The following TNR variants were observed in gnomAD, a reference collection of about 807,000 sequenced individuals.
TNR encodes tenascin-R.
A neutral mutation model predicts 150.4 loss-of-function variants in TNR; 45 were observed. The observed-to-expected ratio is 0.30, with a 90% confidence interval of 0.24 to 0.38. The LOEUF is 0.38. Ranked by LOEUF, TNR falls within the 10% of genes least tolerant of loss-of-function variation. The pLI is 1.00. For missense variants in TNR, 1,544 were observed against 1,759.1 expected (o/e 0.88, Z 2.19); for synonymous variants, 687 against 678.4 (o/e 1.01, Z -0.20).
Position 175,386,035 on chromosome 1 carries a change from T to C in TNR, c.1774A>G (p.Thr592Ala), listed in dbSNP as rs140481433. ...CTCTCCCCCACCGCAGCCTTACCTG[T>C]TGTGAACTGAGTGGTGGCAGAATCG... ...ESDSATTQFT[T>A]EIDAPKNLRV... The change falls in exon 8 of 23, where the codon ACA becomes GCA. Residue 592 changes from threonine to alanine, a missense_variant. Physicochemically the swap from Thr to Ala is moderately conservative, Grantham distance 58. Coordinates refer to ENST00000367674, the MANE Select transcript of TNR (RefSeq NM_003285.3). 1,187 of 1,587,174 alleles carry C rather than the reference T, an allele frequency of 7.5e-4. 3 individuals are homozygous for C. The highest frequency in any genetic ancestry group is 9.7e-4 in the Non-Finnish European group (1,124 of 1,163,562).
At chr1:175,688,340 G>A (rs1037931988) in intron 1 of TNR, among the ~76,000 whole-genome samples, 7 of 152,230 alleles carry the variant, frequency 4.6e-5, no homozygotes, top group African/African-American at 7.2e-5. Context: ...AGAAGAGGCC[G>A]GGAAGAAAGG....
In TNR at chr1:175,668,400, G is replaced by A. The variant is rs117761787; in HGVS notation, c.-165+74826C>T. Among the ~76,000 whole-genome samples, 584 of 152,218 alleles carry A rather than the reference G, an allele frequency of 3.8e-3. 13 individuals are homozygous for A. In the East Asian group the frequency reaches 0.054, roughly 14 times the overall value. The stretch of plus-strand genomic sequence containing the variant: ...CCCCAGGCTCTGTTTCCTGCCAACT[G>A]CTGTGTCCCTGCACCGCAACCCATG... On this transcript the variant is annotated intron_variant, in intron 1 of 22. Coordinates refer to ENST00000367674, the MANE Select transcript of TNR (RefSeq NM_003285.3).
At chr1:175,366,194 T>C in intron 10 of TNR, 56 bp from the exon 11 acceptor site, 1 of 1,519,268 alleles carries the variant, frequency 6.6e-7, no homozygotes, top group Admixed American at 2.0e-5. Flanking sequence ...GGGCAGTATT[T>C]ATTGGCCTGC....
chr1:175,359,199 G>A (rs903671601), intron 15 of TNR, among the ~76,000 whole-genome samples: 3 of 131,546 alleles, frequency 2.3e-5, no homozygotes, highest in African/African-American at 8.4e-5. Flanking sequence ...AGGCTGGAGT[G>A]CAATGGCGTG....
At chr1:175,383,423 G>A (rs1276280247) in intron 8 of TNR, among the ~76,000 whole-genome samples, 1 of 152,196 alleles carries the variant, frequency 6.6e-6, no homozygotes, top group Non-Finnish European at 1.5e-5. Context: ...CTCCAGAGGA[G>A]AGAAATGGTG....
chr1:175,545,460 T>C (rs1330388507), intron 1 of TNR, among the ~76,000 whole-genome samples: 1 of 152,162 alleles, frequency 6.6e-6, no homozygotes, highest in Non-Finnish European at 1.5e-5. Flanking sequence ...ATAAAACTAT[T>C]CAGTTTAGAA....
At chr1:175,374,954 C>T (rs1652306766) in intron 9 of TNR, among the ~76,000 whole-genome samples, 1 of 152,140 alleles carries the variant, frequency 6.6e-6, no homozygotes, top group African/African-American at 2.4e-5. Context: ...TAGGGCAAGC[C>T]CCCTCCCCTC....
At chr1:175,331,599 A>T (rs1221498155) in intron 20 of TNR, among the ~76,000 whole-genome samples, 1 of 152,020 alleles carries the variant, frequency 6.6e-6, no homozygotes, top group East Asian at 1.9e-4. Flanking sequence ...CCTGCTTGTC[A>T]TGATTAGCCA....
At chr1:175,549,417 C>T (rs550640869) in intron 1 of TNR, among the ~76,000 whole-genome samples, 8 of 152,164 alleles carry the variant, frequency 5.3e-5, no homozygotes, top group Non-Finnish European at 1.0e-4. Flanking sequence ...TTTCTGCTCC[C>T]TCCTAAAAAT....
chr1:175,618,214 A>G (rs1022295630), intron 1 of TNR, among the ~76,000 whole-genome samples: 5 of 152,250 alleles, frequency 3.3e-5, no homozygotes, highest in African/African-American at 1.2e-4. Context: ...TTTATTGCCC[A>G]CTAATCAGAA....
intron 18 of TNR, among the ~76,000 whole-genome samples, chr1:175,340,692 C>A (rs905990107): frequency 6.6e-6 from 1 of 152,188 alleles, no homozygotes; most frequent in African/African-American, 2.4e-5. Context: ...TGAAGACCAG[C>A]TAGATTTGAA....
chr1:175,680,787 T>C lies in TNR; in HGVS notation c.-165+62439A>G, dbSNP rs1222964034. On this transcript the variant is annotated intron_variant, in intron 1 of 22. Transcript: ENST00000367674. ...TCTGAGTGTAAGGACTGAGTACCAGTGTGTCTACAAACAGGGCAGCATTGC... is the reference window on the plus strand; with the variant it reads ...TCTGAGTGTAAGGACTGAGTACCAGCGTGTCTACAAACAGGGCAGCATTGC... 2.6e-5 allele frequency among the ~76,000 whole-genome samples: 4 copies of C among 152,146 alleles called. No homozygotes were observed. The East Asian group carries it at 7.7e-4, about 29-fold the overall frequency.
intron 1 of TNR, among the ~76,000 whole-genome samples, chr1:175,614,223 G>C (rs892677716): frequency 6.6e-6 from 1 of 152,226 alleles, no homozygotes; most frequent in Non-Finnish European, 1.5e-5. Context: ...GGTAGGAAGA[G>C]AGAGAGAGGT....
chr1:175,701,410 A>G (rs1571767909), intron 1 of TNR, among the ~76,000 whole-genome samples: 1 of 142,866 alleles, frequency 7.0e-6, no homozygotes, highest in Admixed American at 6.8e-5. Flanking sequence ...ACAAACAAAC[A>G]AAAAACACCT....
At chr1:175,486,549 A>C (rs1367639779) in intron 2 of TNR, among the ~76,000 whole-genome samples, 2 of 151,982 alleles carry the variant, frequency 1.3e-5, no homozygotes, top group African/African-American at 2.4e-5. Context: ...GGTTGGTTCC[A>C]AGTCTGCTAT....
At chr1:175,513,373 G>A (rs746616391) in intron 2 of TNR, among the ~76,000 whole-genome samples, 4 of 152,088 alleles carry the variant, frequency 2.6e-5, no homozygotes, top group Non-Finnish European at 5.9e-5. Flanking sequence ...AAAAGAAATC[G>A]AACACATGTA....
At chr1:175,608,648 C>A (rs1663489304) in intron 1 of TNR, among the ~76,000 whole-genome samples, 1 of 152,050 alleles carries the variant, frequency 6.6e-6, no homozygotes, top group Non-Finnish European at 1.5e-5. Flanking sequence ...ATAGCATGTT[C>A]AAGGAGCTTC....
At chr1:175,653,760 G>A (rs765441978) in intron 1 of TNR, among the ~76,000 whole-genome samples, 11 of 152,164 alleles carry the variant, frequency 7.2e-5, no homozygotes, top group Non-Finnish European at 1.3e-4. Flanking sequence ...AGTCAGATTT[G>A]TTATTCACTT....
At chr1:175,585,649 A>G (rs1216315041) in intron 1 of TNR, among the ~76,000 whole-genome samples, 1 of 152,214 alleles carries the variant, frequency 6.6e-6, no homozygotes, top group African/African-American at 2.4e-5. Flanking sequence ...GTATAATAGC[A>G]TAATATCCTA....
Sources: allele counts gnomAD v4.1 joint callset (sites outside exome capture counted in the v4.1 genomes callset), GRCh38; gene constraint gnomAD v4.1.1; transcripts MANE v1.5; gene names NCBI Gene and HGNC (gene_info 2026-07-23, HGNC 2026-07-21).